Variants in IDUA observed in about 807,000 individuals in gnomAD.
IDUA encodes alpha-L-iduronidase, also known as iduronidase alpha-L-.
In IDUA, 65 loss-of-function variants were observed where a neutral mutation model predicts 68.9. That is an observed-to-expected ratio of 0.94 (90% CI 0.77 to 1.16). IDUA has a LOEUF of 1.16. Among genes scored for constraint, IDUA ranks in the 50% most tolerant of loss-of-function variants. The pLI, the probability that IDUA is intolerant of heterozygous loss-of-function variation, is 0.00. For synonymous variants in IDUA, 529 were observed against 433.6 expected, an observed-to-expected ratio of 1.22 and a Z score of -2.73; for missense variants, 1,046 against 938.0, an observed-to-expected ratio of 1.12 and a Z score of -1.50.
chr4:988,976 C>G (rs1713974322), intron 2 of IDUA: 3 of 1,595,912 alleles, frequency 1.9e-6, no homozygotes, highest in Non-Finnish European at 2.6e-6. Context: ...CTCAGAATGT[C>G]TCTCACAGGC....
rs116672664 is a variant in IDUA at position 990,977 on chromosome 4, G to A, written c.299+3028G>A. 1,880 of 799,644 alleles carry A rather than the reference G, an allele frequency of 2.4e-3. 25 individuals are homozygous for A. The African/African-American group carries it at 0.026, about 11-fold the overall frequency. 49.5% of individuals were successfully genotyped at this position (799,644 alleles called of 1,614,324 possible). Reference sequence around the variant, plus strand: ...TCGGTGCCTCGCCCTGGGATGCCCCGGCACGCCCCAGCTCTGCCCAAGCCT... The same window carrying A: ...TCGGTGCCTCGCCCTGGGATGCCCCAGCACGCCCCAGCTCTGCCCAAGCCT... On this transcript the variant is annotated intron_variant, in intron 2 of 13. Transcript: ENST00000514224.
intron 1 of IDUA, 112 bp downstream of exon 1, chr4:987,354 T>A: frequency 9.4e-7 from 1 of 1,068,080 alleles, no homozygotes; most frequent in Non-Finnish European, 1.3e-6. Flanking sequence ...TCTGGGGCCC[T>A]GGCTCTCCCG....
At position 993,631 on chromosome 4, in the gene IDUA, C is replaced by CT. The variant is rs1553916128; in HGVS notation, c.299+5682_299+5683insT. On this transcript the variant is annotated intron_variant, in intron 2 of 13. Transcript: ENST00000514224. The stretch of plus-strand genomic sequence containing the variant: ...TGCAGCTGTGGCTCTGCGGCCCTGC[C>CT]GGGGGGGCTTAGGGACCAGCGGGAG... Among the ~76,000 whole-genome samples, 5 of 152,102 alleles carry CT rather than the reference C, an allele frequency of 3.3e-5. No homozygotes were observed. In the East Asian group the frequency reaches 9.7e-4, roughly 29 times the overall value.
At chr4:1,001,154 A>T in intron 4 of IDUA, 165 bp downstream of exon 4, 1 of 637,440 alleles carries the variant, frequency 1.6e-6, no homozygotes, top group Non-Finnish European at 2.8e-6. Flanking sequence ...TGGTCGGCGC[A>T]GGCCCTGGGG....
In IDUA at chr4:990,348, G is replaced by A. The variant is rs1210372436; in HGVS notation, c.299+2399G>A. On this transcript the variant is annotated intron_variant, in intron 2 of 13. Coordinates refer to ENST00000514224, the MANE Select transcript of IDUA (RefSeq NM_000203.5). ...AGGCGGACACGAAGCCCAGCCGGAG[G>A]ACGCCCATGAGGACCTGTGGACGGA... 14 of 1,600,648 alleles carry A rather than the reference G, an allele frequency of 8.7e-6. No homozygotes were observed. The Middle Eastern group carries it at 1.0e-3, about 117-fold the overall frequency.
intron 2 of IDUA, chr4:990,760 A>C: frequency 2.6e-6 from 1 of 390,948 alleles, no homozygotes; most frequent in Non-Finnish European, 4.6e-6. Flanking sequence ...GGACAGGCCA[A>C]GGCAGGAGAC....
At position 987,102 on chromosome 4, in the gene IDUA, C is replaced by T. The variant is rs1412821087; in HGVS notation, c.18C>T (p.Pro6=). 2 of 1,458,382 alleles carry T rather than the reference C, an allele frequency of 1.4e-6. No homozygotes were observed. The highest frequency in any genetic ancestry group is 1.8e-6 in the Non-Finnish European group (2 of 1,110,302). The allele number at this position is 1,458,382 out of a possible 1,614,324, so 90.3% of individuals were successfully genotyped here. A position where few individuals can be genotyped will look rare whatever the true frequency, so the allele number is the denominator to read the frequency against. The change falls in exon 1 of 14, where the codon CCC becomes CCT. Residue 6 remains proline (P), a synonymous_variant. Coordinates refer to ENST00000514224, the MANE Select transcript of IDUA (RefSeq NM_000203.5). ...GCGTGGCCATGCGTCCCCTGCGCCC[C>T]CGCGCCGCGCTGCTGGCGCTCCTGG... The part of the protein sequence containing the change: MRPLR[P]RAALLALLAS...
chr4:1,003,756 C>T (rs1433162422), intron 12 of IDUA, 131 bp downstream of exon 12: 6 of 1,058,542 alleles, frequency 5.7e-6, no homozygotes, highest in African/African-American at 3.1e-5. Flanking sequence ...GCCCTGCGTC[C>T]CTGCCCTTCA....
At chr4:999,059 G>C (rs563827467) in intron 2 of IDUA, among the ~76,000 whole-genome samples, 3 of 152,190 alleles carry the variant, frequency 2.0e-5, no homozygotes, top group Non-Finnish European at 4.4e-5. Context: ...AAAAAAATTA[G>C]CCGGGCGTGG....
chr4:989,000 C>CTAGCA lies in IDUA; in HGVS notation c.299+1052_299+1056dup, dbSNP rs755622244. The CTAGCA allele has an allele frequency of 1.3e-5, 20 of 1,591,332 alleles. No homozygotes were observed. Among genetic ancestry groups the CTAGCA allele is most frequent in the South Asian group, 2.3e-5 (2 of 88,390 alleles). On this transcript the variant is annotated intron_variant, in intron 2 of 13. Transcript: ENST00000514224. ...TCTCTCACAGGCGGGCTGCAGCAGG[C>CTAGCA]TAGCAGCAGGCTGATGCCCAGGGCC...
At chr4:997,329 G>A (rs1714797676) in intron 2 of IDUA, among the ~76,000 whole-genome samples, 1 of 112,496 alleles carries the variant, frequency 8.9e-6, no homozygotes, top group African/African-American at 3.4e-5. Flanking sequence ...CTCCGCCCCT[G>A]CCCCGCACTC....
At chr4:997,765 C>T (rs1459967240) in intron 2 of IDUA, among the ~76,000 whole-genome samples, 2 of 152,128 alleles carry the variant, frequency 1.3e-5, no homozygotes, top group Non-Finnish European at 2.9e-5. Context: ...GGTGGGCCCT[C>T]GGGCCTGTGG....
Position 1,004,496 on chromosome 4 carries a change from T to C in IDUA, c.*103T>C. Reference sequence around the variant, plus strand: ...CCCATCACCCCCTTTGCAATATATTTTTATATTTTATTATTTTCTTTTATA... The same window carrying C: ...CCCATCACCCCCTTTGCAATATATTCTTATATTTTATTATTTTCTTTTATA... On this transcript the variant is annotated 3_prime_UTR_variant, in exon 14 of 14. Transcript: ENST00000514224. This position sits in a 1 kb window ranked among gnomAD's most constrained non-coding sequence, Gnocchi z 5.0. The C allele has an allele frequency of 8.8e-7, 1 of 1,142,482 alleles. No homozygotes were observed. Among genetic ancestry groups the C allele is most frequent in the Non-Finnish European group, 1.2e-6 (1 of 814,568 alleles). The allele number at this position is 1,142,482 out of a possible 1,614,324, so 70.8% of individuals were successfully genotyped here.
intron 2 of IDUA, among the ~76,000 whole-genome samples, chr4:994,376 C>T (rs552295229): frequency 2.6e-5 from 4 of 151,110 alleles, no homozygotes; most frequent in African/African-American, 9.7e-5. Flanking sequence ...CCTGGGTTCA[C>T]GCCATTCTCC....
At position 1,004,104 on chromosome 4, in the gene IDUA, T is replaced by C; in HGVS notation, c.1820T>C (p.Phe607Ser). 1.9e-6 allele frequency: 3 copies of C among 1,612,834 alleles called. No homozygotes were observed. The highest frequency in any genetic ancestry group is 1.7e-6 in the Non-Finnish European group (2 of 1,179,872). ...RKPSTFNLFV[F>S]SPDTGAVSGS... ...CCATCGACCTTCAACCTCTTTGTGT[T>C]CAGCCCAGGTGCGCCCACCACCCGC... The change falls in exon 13 of 14, where the codon TTC becomes TCC. Residue 607 changes from phenylalanine to serine, a missense_variant. Physicochemically the swap from Phe to Ser is radical, Grantham distance 155 (BLOSUM62 -2). Transcript: ENST00000514224. The surrounding 1 kb of genome is among the most constrained non-coding windows in gnomAD (Gnocchi z 5.0).
intron 2 of IDUA, among the ~76,000 whole-genome samples, chr4:995,071 G>A (rs1420171757): frequency 3.4e-5 from 5 of 148,940 alleles, no homozygotes; most frequent in African/African-American, 1.2e-4. Flanking sequence ...TTGAGATGGA[G>A]TCTCGCTCTG....
At position 1,002,480 on chromosome 4, in the gene IDUA, T is replaced by C; in HGVS notation, c.1184T>C (p.Leu395Pro). Residue 395 changes from leucine (L) to proline (P), a missense_variant, in exon 8 of 14, where the codon CTG becomes CCG. Leu to Pro is a moderately conservative substitution (Grantham distance 98). Coordinates refer to ENST00000514224, the MANE Select transcript of IDUA (RefSeq NM_000203.5). ...PVLTAMGLLA[L>P]LDEEQLWAEV... Reference sequence around the variant, plus strand: ...CTCACGGCCATGGGGCTGCTGGCGCTGCTGGGTGAGCCGGGGCCGCTGGGG... The same window carrying C: ...CTCACGGCCATGGGGCTGCTGGCGCCGCTGGGTGAGCCGGGGCCGCTGGGG... 1 of 1,539,168 alleles carries C rather than the reference T, an allele frequency of 6.5e-7. No individual in the cohort carries two copies. Among genetic ancestry groups the C allele is most frequent in the Non-Finnish European group, 8.8e-7 (1 of 1,142,228 alleles).
intron 2 of IDUA, among the ~76,000 whole-genome samples, chr4:995,165 C>T (rs1286512567): frequency 1.3e-5 from 2 of 151,910 alleles, no homozygotes; most frequent in South Asian, 2.1e-4. Flanking sequence ...CTGCCTCAGC[C>T]GCCTGAGTAG....
intron 2 of IDUA, among the ~76,000 whole-genome samples, chr4:997,056 T>G (rs903059523): frequency 2.8e-4 from 42 of 152,300 alleles, no homozygotes; most frequent in African/African-American, 9.9e-4. Context: ...CGTTTTACAT[T>G]GGAGTCCATT....
Sources: allele counts gnomAD v4.1 joint callset (sites outside exome capture counted in the v4.1 genomes callset), GRCh38; gene constraint gnomAD v4.1.1; non-coding constraint Gnocchi (gnomAD v3.1); transcripts MANE v1.5; gene names NCBI Gene and HGNC (gene_info 2026-07-23, HGNC 2026-07-21).